Variants in EFCAB3 observed in about 807,000 individuals in gnomAD.
The protein encoded by EFCAB3 is EF-hand calcium-binding domain-containing protein 3.
EFCAB3 carries 36 observed loss-of-function variants against 42.2 expected under a neutral mutation model. The observed-to-expected ratio is 0.85, with a 90% CI of 0.65 to 1.13. The LOEUF is 1.13. Among genes scored for constraint, EFCAB3 ranks in the 50% most tolerant of loss-of-function variants. The pLI, the probability that EFCAB3 is intolerant of heterozygous loss-of-function variation, is 0.00. For synonymous variants in EFCAB3, 170 were observed against 172.8 expected, an observed-to-expected ratio of 0.98 and a Z score of 0.13; for missense variants, 418 against 505.1, an observed-to-expected ratio of 0.83 and a Z score of 1.65.
At chr17:62,370,939 T>G (rs2070110187) in intron 1 of EFCAB3, among the ~76,000 whole-genome samples, 1 of 151,328 alleles carries the variant, frequency 6.6e-6, no homozygotes, top group African/African-American at 2.4e-5. Flanking sequence ...AAAAAAAAAT[T>G]TAATTATCCA....
upstream of EFCAB3, chr17:62,380,485 G>A (rs896257681): frequency 3.1e-5 from 27 of 867,388 alleles, no homozygotes; most frequent in Non-Finnish European, 3.6e-5. Context: ...GGAGCTCCTG[G>A]GTCATTCTCT....
chr17:62,380,705 A>G, intron 1 of EFCAB3, 92 bp downstream of exon 1: 1 of 684,538 alleles, frequency 1.5e-6, no homozygotes. Context: ...TAAAGAAATG[A>G]TTATTTTGAG....
At chr17:62,395,564 A>C (rs1190964754) in intron 6 of EFCAB3, among the ~76,000 whole-genome samples, 2 of 152,184 alleles carry the variant, frequency 1.3e-5, no homozygotes, top group African/African-American at 4.8e-5. Flanking sequence ...GTTCATGCTG[A>C]AACTACCAGG....
chr17:62,390,686 CAG>C (rs563100018), intron 3 of EFCAB3, among the ~76,000 whole-genome samples: 1 of 152,170 alleles, frequency 6.6e-6, no homozygotes, highest in Non-Finnish European at 1.5e-5. Flanking sequence ...AGAAACAAGT[CAG>C]AGATAGTTTG....
chr17:62,401,765 A>G, intron 6 of EFCAB3, among the ~76,000 whole-genome samples: 1 of 152,152 alleles, frequency 6.6e-6, no homozygotes, highest in Non-Finnish European at 1.5e-5. Flanking sequence ...TTGTCATGGC[A>G]ATGTGGGCTC....
chr17:62,405,727 T>A (rs542003211), intron 6 of EFCAB3, among the ~76,000 whole-genome samples: 8 of 152,206 alleles, frequency 5.3e-5, no homozygotes, highest in African/African-American at 9.6e-5. Context: ...CTTTATCACA[T>A]ACAGCCTGCC....
intron 2 of EFCAB3, chr17:62,383,260 G>A (rs971444879): frequency 3.4e-5 from 15 of 439,554 alleles, no homozygotes; most frequent in African/African-American, 2.9e-4. Context: ...CGGATCATGA[G>A]GTCAAGAGAT....
Position 62,413,859 on chromosome 17 carries a change from G to A in EFCAB3, c.990+5G>A, listed in dbSNP as rs2144118962. 1.2e-6 allele frequency: 2 copies of A among 1,608,214 alleles called. No individual in the cohort carries two copies. Among genetic ancestry groups the A allele is most frequent in the Non-Finnish European group, 1.7e-6 (2 of 1,177,844 alleles). The stretch of plus-strand genomic sequence containing the variant: ...GCAACTGCTATTAAACAACATGTGA[G>A]TATTCCTTGTTGAGTTCCTTCCCAG... On this transcript the variant is annotated splice_donor_5th_base_variant and intron_variant, in intron 9 of 9. Transcript: ENST00000305286.
At position 62,416,108 on chromosome 17, in the gene EFCAB3, T is replaced by C; in HGVS notation, c.1096T>C (p.Ser366Pro). 6.2e-7 allele frequency: 1 copy of C among 1,614,004 alleles called. No homozygotes were observed. The highest frequency in any genetic ancestry group is 8.5e-7 in the Non-Finnish European group (1 of 1,179,874). The stretch of plus-strand genomic sequence containing the variant: ...CCGAGGGGATTTGATTGGGATGGAC[T>C]CTAGAAATGAGTCCTTTTATGACAC... Reference protein sequence around the residue: ...KIRGDLIGMDSRNESFYDTFS... With the variant: ...KIRGDLIGMDPRNESFYDTFS... Residue 366 changes from serine (S) to proline (P), a missense_variant, in exon 10 of 10, where the codon TCT becomes CCT. Physicochemically the swap from Ser to Pro is moderately conservative, Grantham distance 74. Transcript: ENST00000305286.
At chr17:62,401,761 T>C (rs2070405227) in intron 6 of EFCAB3, among the ~76,000 whole-genome samples, 1 of 152,240 alleles carries the variant, frequency 6.6e-6, no homozygotes, top group Admixed American at 6.5e-5. Context: ...AGGATTGTCA[T>C]GGCAATGTGG....
chr17:62,400,266 A>T (rs890961230), intron 6 of EFCAB3, among the ~76,000 whole-genome samples: 14 of 152,080 alleles, frequency 9.2e-5, no homozygotes, highest in Admixed American at 9.2e-4. Context: ...TCTAGGGTAC[A>T]TGTGCACAAC....
upstream of EFCAB3, among the ~76,000 whole-genome samples, chr17:62,379,417 CA>C (rs34114907): frequency 0.75 from 75,191 of 99,650 alleles, 29,482 homozygotes; most frequent in South Asian, 0.93. Flanking sequence ...GAGACCTCAC[CA>C]AAAAAAAAAA....
Position 62,406,570 on chromosome 17 carries a change from C to T in EFCAB3, c.579C>T (p.Asp193=). The change falls in exon 7 of 10, where the codon GAC becomes GAT. Residue 193 remains aspartate, a synonymous_variant. Transcript: ENST00000305286. ...ATGGAAAAAGGACACTTAAGCCAGACATATGCACACCTCCAAGCTCAAGCA... is the reference window on the plus strand; with the variant it reads ...ATGGAAAAAGGACACTTAAGCCAGATATATGCACACCTCCAAGCTCAAGCA... ...MGYGKRTLKP[D]ICTPPSSSMA... is the part of the protein sequence containing the mutation. 1 of 1,613,992 alleles carries T rather than the reference C, an allele frequency of 6.2e-7. No individual in the cohort carries two copies. The highest frequency in any genetic ancestry group is 1.1e-5 in the South Asian group (1 of 91,078).
intron 6 of EFCAB3, among the ~76,000 whole-genome samples, chr17:62,396,227 G>A (rs948853523): frequency 1.3e-5 from 2 of 152,186 alleles, no homozygotes; most frequent in African/African-American, 4.8e-5. Context: ...TCATGTGGAA[G>A]TAACTAGACT....
intron 6 of EFCAB3, chr17:62,397,555 A>G: frequency 1.7e-6 from 1 of 586,850 alleles, no homozygotes; most frequent in Non-Finnish European, 3.3e-6. Flanking sequence ...ATGCAAAAGG[A>G]ATTGTGCTGG....
At chr17:62,377,101 G>T (rs2070156981), upstream of EFCAB3, among the ~76,000 whole-genome samples, 1 of 152,110 alleles carries the variant, frequency 6.6e-6, no homozygotes, top group African/African-American at 2.4e-5. Flanking sequence ...TGCTTCATAG[G>T]TGTAGGTTTT....
chr17:62,371,642 T>A (rs1487715800), intron 1 of EFCAB3, among the ~76,000 whole-genome samples: 2 of 152,162 alleles, frequency 1.3e-5, no homozygotes, highest in African/African-American at 4.8e-5. Flanking sequence ...TTGTGCCTGA[T>A]GGTATGATTC....
chr17:62,380,688 AT>A (rs1176675174), intron 1 of EFCAB3, 75 bp downstream of exon 1: 4 of 769,536 alleles, frequency 5.2e-6, no homozygotes, highest in African/African-American at 3.8e-5. Flanking sequence ...AATTGAAGGT[AT>A]TTTTTTAAAG....
rs1380966063 is a variant in EFCAB3 at position 62,398,044 on chromosome 17, AAAG to A, written c.488+2857_488+2859del. 4.9e-5 allele frequency: 14 copies of A among 286,814 alleles called. No individual in the cohort carries two copies. In the East Asian group the frequency reaches 1.1e-3, roughly 23 times the overall value. The allele number at this position is 286,814 out of a possible 1,614,324, so 17.8% of individuals were successfully genotyped here. ...CCATCTCAAAAAAAAAAAAAAAAAA[AAAG>A]GTGATATTCCTGGAGTCTGCTTTAA... is the stretch of plus-strand genomic sequence containing the variant. On this transcript the variant is annotated intron_variant, in intron 6 of 9. Coordinates refer to ENST00000305286, the MANE Select transcript of EFCAB3 (RefSeq NM_173503.4).
Sources: gnomAD v4.1 joint callset for allele counts (sites outside exome capture counted in the v4.1 genomes callset) on GRCh38, gnomAD v4.1.1 for gene constraint, MANE v1.5 for transcripts, NCBI Gene and HGNC (gene_info 2026-07-23, HGNC 2026-07-21) for gene names.